FA2H: variants seen among roughly 807,000 people sequenced by gnomAD.
The protein encoded by FA2H is fatty acid alpha-hydroxylase.
FA2H carries 22 observed loss-of-function variants against 44.9 expected under a neutral mutation model. The ratio of observed to expected loss-of-function variants is 0.49; its 90% CI spans 0.35 to 0.70. The LOEUF is 0.70. FA2H is among the 30% of genes least tolerant of loss of function. The pLI, the probability that FA2H is intolerant of heterozygous loss-of-function variation, is 0.01. For synonymous variants in FA2H, 243 were observed against 213.2 expected, an observed-to-expected ratio of 1.14 and a Z score of -1.22; for missense variants, 501 against 504.9, an observed-to-expected ratio of 0.99 and a Z score of 0.07.
At chr16:74,750,899 A>C (rs1254708507) in intron 1 of FA2H, among the ~76,000 whole-genome samples, 1 of 151,426 alleles carries the variant, frequency 6.6e-6, no homozygotes, top group Non-Finnish European at 1.5e-5. Flanking sequence ...CTTCTACCTC[A>C]GCCTCCTGAG....
chr16:74,746,992 G>A (rs750251430), intron 1 of FA2H, among the ~76,000 whole-genome samples: 1 of 152,114 alleles, frequency 6.6e-6, no homozygotes, highest in Non-Finnish European at 1.5e-5. Context: ...GTTTTTCCCG[G>A]TTCTCCTCCC....
At chr16:74,772,083 C>T (rs1962919969) in intron 1 of FA2H, among the ~76,000 whole-genome samples, 1 of 152,066 alleles carries the variant, frequency 6.6e-6, no homozygotes, top group Non-Finnish European at 1.5e-5. Flanking sequence ...AGTCAAGTCC[C>T]AAATCCTGAC....
chr16:74,742,035 G>A (rs977164768), intron 1 of FA2H, among the ~76,000 whole-genome samples: 1 of 152,060 alleles, frequency 6.6e-6, no homozygotes, highest in South Asian at 2.1e-4. Flanking sequence ...AAATACTCCA[G>A]TGGTGTGATA....
In FA2H at chr16:74,719,070, C is replaced by A; in HGVS notation, c.704G>T (p.Arg235Leu). The stretch of plus-strand genomic sequence containing the variant: ...GGGGGGCTTCATGTGGAACAGGAAG[C>A]GGTGGATGAGGTACTCGATGAGGCT... ...LWSLIEYLIH[R>L]FLFHMKPPSD... The change falls in exon 5 of 7, where the codon CGC becomes CTC. Residue 235 changes from arginine to leucine, a missense_variant. Coordinates refer to ENST00000219368, the MANE Select transcript of FA2H (RefSeq NM_024306.5). The A allele has an allele frequency of 6.2e-7, 1 of 1,613,990 alleles. No homozygotes were observed. The highest frequency in any genetic ancestry group is 8.5e-7 in the Non-Finnish European group (1 of 1,180,014).
At chr16:74,742,437 T>C (rs1962331572) in intron 1 of FA2H, among the ~76,000 whole-genome samples, 1 of 152,176 alleles carries the variant, frequency 6.6e-6, no homozygotes, top group South Asian at 2.1e-4. Context: ...ACCTAGATCA[T>C]AGATTCTCAG....
intron 1 of FA2H, among the ~76,000 whole-genome samples, chr16:74,756,426 G>A (rs1411189527): frequency 6.6e-6 from 1 of 152,054 alleles, no homozygotes; most frequent in Non-Finnish European, 1.5e-5. Flanking sequence ...TCTCCAAAGT[G>A]GCTTCTTATC....
chr16:74,724,551 G>C (rs1451846943), intron 4 of FA2H, among the ~76,000 whole-genome samples: 1 of 152,176 alleles, frequency 6.6e-6, no homozygotes, highest in African/African-American at 2.4e-5. Context: ...AGCTGCACTA[G>C]GATCCCGCCG....
At position 74,740,100 on chromosome 16, in the gene FA2H, C is replaced by G; in HGVS notation, c.286G>C (p.Glu96Gln). The G allele has an allele frequency of 6.2e-7, 1 of 1,613,348 alleles. No individual in the cohort carries two copies. The highest frequency in any genetic ancestry group is 8.5e-7 in the Non-Finnish European group (1 of 1,179,372). The change falls in exon 2 of 7, where the codon GAG (glutamate) becomes CAG (glutamine). Residue 96 changes from glutamate to glutamine, a missense_variant. Coordinates refer to ENST00000219368, the MANE Select transcript of FA2H (RefSeq NM_024306.5). ...RGEQQGSMEN[E>Q]PVALEETQKT... is the part of the protein sequence containing the mutation. ...TGAGTTTCCTCAAGGGCTACAGGCT[C>G]GTTCTCCATGGAGCCCTGGAAGGAG... is the stretch of plus-strand genomic sequence containing the variant.
At chr16:74,741,029 G>A (rs1962285397) in intron 1 of FA2H, among the ~76,000 whole-genome samples, 1 of 152,252 alleles carries the variant, frequency 6.6e-6, no homozygotes, top group Non-Finnish European at 1.5e-5. Context: ...TGGGCTCAAG[G>A]TTAAATCGAA....
intron 1 of FA2H, among the ~76,000 whole-genome samples, chr16:74,757,093 A>G (rs1463824746): frequency 3.9e-5 from 6 of 152,192 alleles, no homozygotes. Flanking sequence ...GAAGAAAAAT[A>G]GTAACACAGA....
At chr16:74,723,900 ATAT>A (rs1181864532) in intron 4 of FA2H, among the ~76,000 whole-genome samples, 2 of 151,680 alleles carry the variant, frequency 1.3e-5, no homozygotes, top group East Asian at 3.9e-4. Flanking sequence ...AATAATATTA[ATAT>A]TATATTTTCT....
At chr16:74,724,067 A>C (rs1961897381) in intron 4 of FA2H, among the ~76,000 whole-genome samples, 1 of 151,812 alleles carries the variant, frequency 6.6e-6, no homozygotes, top group African/African-American at 2.4e-5. Flanking sequence ...ATGCCTGGCT[A>C]ATTTTTATAT....
intron 2 of FA2H, among the ~76,000 whole-genome samples, chr16:74,734,246 C>G (rs1029340765): frequency 6.6e-6 from 1 of 152,222 alleles, no homozygotes; most frequent in Non-Finnish European, 1.5e-5. Flanking sequence ...ACGGCTCCCC[C>G]TACAGTAACA....
intron 1 of FA2H, among the ~76,000 whole-genome samples, chr16:74,763,431 T>C (rs1333001516): frequency 6.6e-6 from 1 of 152,156 alleles, no homozygotes; most frequent in Non-Finnish European, 1.5e-5. Flanking sequence ...CTAGTTTTTG[T>C]ATTTTTAGTA....
At chr16:74,724,016 C>T (rs1961896292) in intron 4 of FA2H, among the ~76,000 whole-genome samples, 1 of 152,140 alleles carries the variant, frequency 6.6e-6, no homozygotes, top group Non-Finnish European at 1.5e-5. Context: ...ATTCTCCTGC[C>T]TCAGCCTTCC....
At chr16:74,735,311 A>T (rs1455134121) in intron 2 of FA2H, among the ~76,000 whole-genome samples, 1 of 151,944 alleles carries the variant, frequency 6.6e-6, no homozygotes, top group Non-Finnish European at 1.5e-5. Context: ...GCGTTGCCGG[A>T]GTGGCTGCAG....
At position 74,719,153 on chromosome 16, in the gene FA2H, C is replaced by T. The variant is rs779856022; in HGVS notation, c.621G>A (p.Thr207=). Residue 207 remains threonine (T), a synonymous_variant, in exon 5 of 7, where the codon ACG becomes ACA. Transcript: ENST00000219368. ...RLFTSFTTEY[T]VAVPKSMFPG... is the part of the protein sequence containing the mutation. The stretch of plus-strand genomic sequence containing the variant: ...GGAACATGGACTTGGGCACTGCCAC[C>T]GTGTACTCTGCAGGGTGGCAGGGAG... The T allele has an allele frequency of 9.3e-6, 15 of 1,613,132 alleles. No homozygotes were observed. Among genetic ancestry groups the T allele is most frequent in the African/African-American group, 5.3e-5 (4 of 74,936 alleles).
chr16:74,726,404 TTGA>T, intron 3 of FA2H, 73 bp from the exon 4 acceptor site: 2 of 1,005,776 alleles, frequency 2.0e-6, no homozygotes, highest in Admixed American at 2.0e-5. Context: ...CTTTTTTTTT[TTGA>T]GACGGAGTTT....
chr16:74,717,513 C>T (rs919708702), intron 5 of FA2H, among the ~76,000 whole-genome samples: 1 of 152,222 alleles, frequency 6.6e-6, no homozygotes, highest in Non-Finnish European at 1.5e-5. Flanking sequence ...GTGAAAACTG[C>T]CCTGGCGCTT....
Sources: allele counts gnomAD v4.1 joint callset (sites outside exome capture counted in the v4.1 genomes callset), GRCh38; gene constraint gnomAD v4.1.1; transcripts MANE v1.5; gene names NCBI Gene and HGNC (gene_info 2026-07-23, HGNC 2026-07-21).